RORA: variants seen among roughly 807,000 people sequenced by gnomAD.
RORA encodes RAR related orphan receptor A.
RORA carries 7 observed loss-of-function variants against 69.5 expected under a neutral mutation model. That is an observed-to-expected ratio of 0.10 (90% CI 0.06 to 0.19). The LOEUF (loss-of-function observed/expected upper bound fraction) is 0.19. RORA is among the 10% of genes least tolerant of loss of function. The pLI, the probability that RORA is intolerant of heterozygous loss-of-function variation, is 1.00. For missense variants in RORA, 457 were observed against 663.0 expected, an observed-to-expected ratio of 0.69 and a Z score of 3.41; for synonymous variants, 261 against 240.8, an observed-to-expected ratio of 1.08 and a Z score of -0.78.
At chr15:61,130,022 T>C (rs1167570442) in intron 1 of RORA, among the ~76,000 whole-genome samples, 1 of 152,160 alleles carries the variant, frequency 6.6e-6, no homozygotes, top group Non-Finnish European at 1.5e-5. Context: ...TGCACCCTGA[T>C]AGTGTCTCCT....
chr15:60,506,272 G>A (rs921713480), intron 5 of RORA, among the ~76,000 whole-genome samples: 4 of 152,112 alleles, frequency 2.6e-5, no homozygotes, highest in Non-Finnish European at 5.9e-5. Flanking sequence ...TGTAAAATGA[G>A]GGAAATGGTA....
At chr15:60,939,168 G>A (rs574799154) in intron 1 of RORA, among the ~76,000 whole-genome samples, 1 of 152,244 alleles carries the variant, frequency 6.6e-6, no homozygotes, top group South Asian at 2.1e-4. Flanking sequence ...TTCCAATCAT[G>A]GATTCACTCA....
chr15:60,898,568 A>G (rs1891297750), intron 1 of RORA, among the ~76,000 whole-genome samples: 1 of 152,022 alleles, frequency 6.6e-6, no homozygotes, highest in African/African-American at 2.4e-5. Flanking sequence ...GACTGGTGGT[A>G]CACACCTATA....
chr15:61,176,982 G>C (rs1052682890), intron 1 of RORA, among the ~76,000 whole-genome samples: 1 of 152,174 alleles, frequency 6.6e-6, no homozygotes, highest in Non-Finnish European at 1.5e-5. Flanking sequence ...TGCTCTCATA[G>C]GTCGGGGGAA....
At chr15:61,013,779 C>CTTTTTTTTTTTTT (rs3053960) in intron 1 of RORA, among the ~76,000 whole-genome samples, 1 of 70,934 alleles carries the variant, frequency 1.4e-5, no homozygotes, top group Non-Finnish European at 2.5e-5. Flanking sequence ...ACTGGGTTGG[C>CTTTTTTTTTTTTT]TTTTTTTTTT....
At chr15:61,136,100 T>C (rs926002367) in intron 1 of RORA, among the ~76,000 whole-genome samples, 2 of 152,156 alleles carry the variant, frequency 1.3e-5, no homozygotes. Context: ...GTGTGCCGCT[T>C]CCAGATTTAT....
rs200791379 is a variant in RORA, at chr15:60,961,954, G to T, written c.166+267099C>A. 2.2e-4 allele frequency among the ~76,000 whole-genome samples: 33 copies of T among 152,336 alleles called. No individual in the cohort carries two copies. The East Asian group carries it at 6.4e-3, about 29-fold the overall frequency. On this transcript the variant is annotated intron_variant, in intron 1 of 10. Transcript: ENST00000335670. ...GAATATATATGTGAAAGGTGCTGGG[G>T]TTTGTATTTGTTTGGCCCAGTGCAT...
At chr15:60,858,199 C>T (rs1299092070) in intron 1 of RORA, among the ~76,000 whole-genome samples, 1 of 152,152 alleles carries the variant, frequency 6.6e-6, no homozygotes, top group East Asian at 1.9e-4. Flanking sequence ...GCTGTGTTTC[C>T]CTGGGTCTCA....
intron 1 of RORA, among the ~76,000 whole-genome samples, chr15:61,069,564 G>A (rs2078310922): frequency 6.6e-6 from 1 of 152,192 alleles, no homozygotes; most frequent in Admixed American, 6.5e-5. Flanking sequence ...CTGTTTCACA[G>A]ATTGACTAGC....
chr15:60,584,191 G>C (rs531539466), intron 2 of RORA, among the ~76,000 whole-genome samples: 3 of 152,150 alleles, frequency 2.0e-5, no homozygotes, highest in Non-Finnish European at 4.4e-5. Context: ...GCCTTCGTGG[G>C]CCTCACCCCA....
At chr15:61,101,772 A>G (rs773937440) in intron 1 of RORA, among the ~76,000 whole-genome samples, 136 of 152,206 alleles carry the variant, frequency 8.9e-4, no homozygotes, top group Non-Finnish European at 1.5e-3. Flanking sequence ...GGAGGTGGAC[A>G]GCAGAGGGCA....
At chr15:60,516,280 T>C (rs1306696890) in intron 3 of RORA, among the ~76,000 whole-genome samples, 1 of 114,118 alleles carries the variant, frequency 8.8e-6, no homozygotes, top group African/African-American at 3.4e-5. Context: ...TTTTTTTTGG[T>C]CGAGATGGGG....
intron 2 of RORA, among the ~76,000 whole-genome samples, chr15:60,670,431 A>G (rs1336013256): frequency 6.6e-6 from 1 of 152,052 alleles, no homozygotes; most frequent in Non-Finnish European, 1.5e-5. Flanking sequence ...GCTAGTCTCA[A>G]ACTCTTGACC....
chr15:60,567,612 T>C (rs1049356411), intron 2 of RORA, among the ~76,000 whole-genome samples: 2 of 152,046 alleles, frequency 1.3e-5, no homozygotes, highest in African/African-American at 4.8e-5. Flanking sequence ...GGTTTTACCA[T>C]GTTGGCCAGG....
chr15:60,856,565 G>C (rs547320687), intron 1 of RORA, among the ~76,000 whole-genome samples: 1 of 150,934 alleles, frequency 6.6e-6, no homozygotes, highest in Non-Finnish European at 1.5e-5. Flanking sequence ...ATAAGTCATC[G>C]ATGCAAATGA....
intron 1 of RORA, among the ~76,000 whole-genome samples, chr15:61,178,630 A>G (rs1028002706): frequency 6.6e-6 from 1 of 152,192 alleles, no homozygotes; most frequent in Non-Finnish European, 1.5e-5. Context: ...TCTAAAATAA[A>G]CCATCACCCC....
At chr15:60,717,100 C>T (rs1156390819) in intron 1 of RORA, among the ~76,000 whole-genome samples, 1 of 152,130 alleles carries the variant, frequency 6.6e-6, no homozygotes, top group East Asian at 1.9e-4. Flanking sequence ...GAGCCTTCAA[C>T]CTGTGGGATC....
intron 1 of RORA, among the ~76,000 whole-genome samples, chr15:61,109,706 C>A (rs977052703): frequency 6.6e-6 from 1 of 152,190 alleles, no homozygotes; most frequent in Non-Finnish European, 1.5e-5. Flanking sequence ...TAAAAGCATG[C>A]GCTCTGAAAC....
chr15:60,590,824 T>C (rs1346559473), intron 2 of RORA, among the ~76,000 whole-genome samples: 2 of 152,190 alleles, frequency 1.3e-5, no homozygotes, highest in Non-Finnish European at 2.9e-5. Context: ...CTTTTACTTA[T>C]ATGAATTACA....
Sources: gnomAD v4.1 joint callset for allele counts (sites outside exome capture counted in the v4.1 genomes callset) on GRCh38, gnomAD v4.1.1 for gene constraint, MANE v1.5 for transcripts, NCBI Gene and HGNC (gene_info 2026-07-23, HGNC 2026-07-21) for gene names.